The following SPACA9 variants were observed in gnomAD, a reference collection of about 807,000 sequenced individuals.
The protein encoded by SPACA9 is sperm acrosome-associated protein 9.
SPACA9 carries 14 observed loss-of-function variants against 12.5 expected under a neutral mutation model. The ratio of observed to expected loss-of-function variants is 1.12; its 90% CI spans 0.74 to 1.75. The LOEUF is 1.75. Ranked by LOEUF, SPACA9 falls within the 40% of genes most tolerant of loss-of-function variation. The pLI is 0.00. For missense variants in SPACA9, 292 were observed against 291.9 expected, an observed-to-expected ratio of 1.00 and a Z score of 0.00; for synonymous variants, 111 against 114.1, an observed-to-expected ratio of 0.97 and a Z score of 0.17.
In SPACA9 at chr9:132,888,810, C is replaced by CA. The variant is rs1693700976; in HGVS notation, c.*200dup. The CA allele has an allele frequency of 5.4e-6, 7 of 1,302,570 alleles. No individual in the cohort carries two copies. In the South Asian group the frequency reaches 1.1e-4, roughly 20 times the overall value. The allele number at this position is 1,302,570 out of a possible 1,614,324, so 80.7% of individuals were successfully genotyped here. ...TGAGACGGAGTCTCGCTCTGTCGCC[C>CA]AGGCTGGAGTGCGGTGGCGCAACCT... On this transcript the variant is annotated 3_prime_UTR_variant, in exon 4 of 4. Transcript: ENST00000356311. The surrounding 1 kb of genome is among the most constrained non-coding windows in gnomAD (Gnocchi z 5.0).
In SPACA9 at chr9:132,886,557, G is replaced by T. The variant is rs72759431; in HGVS notation, c.145-812G>T. 3.4e-3 allele frequency among the ~76,000 whole-genome samples: 515 copies of T among 152,334 alleles called. 1 individual carries two copies. The highest frequency in any genetic ancestry group is 6.0e-3 in the Non-Finnish European group (406 of 68,026). ...TGGCAGGGGACAGGTGAGGGGTAGG[G>T]CACGGAGCCACTGAGCTGGGGACAC... is the stretch of plus-strand genomic sequence containing the variant. On this transcript the variant is annotated intron_variant, in intron 2 of 3. Transcript: ENST00000356311.
Position 132,887,355 on chromosome 9 carries a change from G to A in SPACA9, c.145-14G>A, listed in dbSNP as rs186145280. 6.7e-5 allele frequency: 108 copies of A among 1,607,450 alleles called. No individual in the cohort carries two copies. In the African/African-American group the frequency reaches 1.3e-3, roughly 19 times the overall value. ...TTGGCATGTCCCCAGCTCATGTGGCGGCGGCCCTTGCAGGTGCAGAGCTAC... is the reference window on the plus strand; with the variant it reads ...TTGGCATGTCCCCAGCTCATGTGGCAGCGGCCCTTGCAGGTGCAGAGCTAC... On this transcript the variant is annotated splice_polypyrimidine_tract_variant and intron_variant, in intron 2 of 3. Coordinates refer to ENST00000356311, the MANE Select transcript of SPACA9 (RefSeq NM_001316897.2). The surrounding 1 kb of genome is among the most constrained non-coding windows in gnomAD (Gnocchi z 5.4).
intron 1 of SPACA9, among the ~76,000 whole-genome samples, chr9:132,880,717 C>G (rs1444606860): frequency 6.6e-6 from 1 of 152,092 alleles, no homozygotes; most frequent in Non-Finnish European, 1.5e-5. Flanking sequence ...ATAATGCTGC[C>G]TAAAATCCAT....
At position 132,883,919 on chromosome 9, in the gene SPACA9, T is replaced by C. The variant is rs766776120; in HGVS notation, c.-29T>C. The C allele has an allele frequency of 6.2e-7, 1 of 1,612,596 alleles. No homozygotes were observed. The highest frequency in any genetic ancestry group is 1.1e-5 in the South Asian group (1 of 91,038). ...CCTCTGTCTCCCCATAGATTCCTCT[T>C]CTCCTGTAAATGACCACAGAGGAAG... On this transcript the variant is annotated 5_prime_UTR_variant, in exon 2 of 4. Coordinates refer to ENST00000356311, the MANE Select transcript of SPACA9 (RefSeq NM_001316897.2).
chr9:132,885,640 G>A (rs1399954515), intron 2 of SPACA9, among the ~76,000 whole-genome samples: 1 of 152,016 alleles, frequency 6.6e-6, no homozygotes, highest in Non-Finnish European at 1.5e-5. Flanking sequence ...CAGCCCCTGA[G>A]CTATTGGAAA....
intron 2 of SPACA9, among the ~76,000 whole-genome samples, chr9:132,886,684 C>T (rs190251612): frequency 2.6e-5 from 4 of 152,254 alleles, no homozygotes; most frequent in African/African-American, 9.6e-5. Context: ...TAAAAAGGTA[C>T]CTGCTCAGTG....
rs910948963 is a variant in SPACA9, at chr9:132,887,133, ATATC to A, written c.145-231_145-228del. ...CCAACCGATCCATTAATTTCATATCATATCTATCCATCCATCCATCCATCCATCC... is the reference window on the plus strand; with the variant it reads ...CCAACCGATCCATTAATTTCATATCATATCCATCCATCCATCCATCCATCC... On this transcript the variant is annotated intron_variant, in intron 2 of 3. Transcript: ENST00000356311. The surrounding 1 kb of genome is among the most constrained non-coding windows in gnomAD (Gnocchi z 5.4). 3.4e-5 allele frequency among the ~76,000 whole-genome samples: 5 copies of A among 147,778 alleles called. No individual in the cohort carries two copies. The highest frequency in any genetic ancestry group is 2.0e-4 in the East Asian group (1 of 4,888).
chr9:132,888,432 C>A lies in SPACA9; in HGVS notation c.490C>A (p.Gln164Lys), dbSNP rs1044693501. The change falls in exon 4 of 4, where the codon CAG becomes AAG. Residue 164 changes from glutamine to lysine, a missense_variant. Physicochemically the swap from Gln to Lys is moderately conservative, Grantham distance 53. Coordinates refer to ENST00000356311, the MANE Select transcript of SPACA9 (RefSeq NM_001316897.2). This position sits in a 1 kb window ranked among gnomAD's most constrained non-coding sequence, Gnocchi z 5.0. ...CGAGAAGTTGCCGCGCAAGGTGCTG[C>A]AGCACGTGAGTGAGCCCCAGGCGCA... Reference protein sequence around the residue: ...HSEKLPRKVLQHVSEPQAHQE... With the variant: ...HSEKLPRKVLKHVSEPQAHQE... 6 of 1,613,748 alleles carry A rather than the reference C, an allele frequency of 3.7e-6. No homozygotes were observed. The highest frequency in any genetic ancestry group is 1.1e-5 in the South Asian group (1 of 91,072).
Position 132,887,369 on chromosome 9 carries a change from G to T in SPACA9, c.145G>T (p.Val49Leu). 1.2e-6 allele frequency: 2 copies of T among 1,610,658 alleles called. No individual in the cohort carries two copies. Among genetic ancestry groups the T allele is most frequent in the Non-Finnish European group, 1.7e-6 (2 of 1,179,860 alleles). Residue 49 changes from valine (V) to leucine (L), a missense_variant and splice_region_variant, in exon 3 of 4, where the codon GTG becomes TTG. Coordinates refer to ENST00000356311, the MANE Select transcript of SPACA9 (RefSeq NM_001316897.2). The surrounding 1 kb of genome is among the most constrained non-coding windows in gnomAD (Gnocchi z 5.4). ...KIRPISSIGQVQSYMEHYCNS... is the reference protein window; with the variant it reads ...KIRPISSIGQLQSYMEHYCNS... ...GCTCATGTGGCGGCGGCCCTTGCAG[G>T]TGCAGAGCTACATGGAACACTACTG... is the stretch of plus-strand genomic sequence containing the variant.
At chr9:132,886,133 G>T (rs1187767008) in intron 2 of SPACA9, among the ~76,000 whole-genome samples, 1 of 152,264 alleles carries the variant, frequency 6.6e-6, no homozygotes, top group Admixed American at 6.5e-5. Context: ...CCCTGATTTA[G>T]ATGTAGACCT....
chr9:132,887,565 G>A lies in SPACA9; in HGVS notation c.341G>A (p.Arg114Lys). The change falls in exon 3 of 4, where the codon AGA becomes AAA. Residue 114 changes from arginine to lysine, a missense_variant. Coordinates refer to ENST00000356311, the MANE Select transcript of SPACA9 (RefSeq NM_001316897.2). The surrounding 1 kb of genome is among the most constrained non-coding windows in gnomAD (Gnocchi z 5.4). Reference sequence around the variant, plus strand: ...CAAAGCAACGACTTAAGCAGCCTCAGAGCAAAGTAAGTCCCTCTGATGCTG... The same window carrying A: ...CAAAGCAACGACTTAAGCAGCCTCAAAGCAAAGTAAGTCCCTCTGATGCTG... The part of the protein sequence containing the change: ...VSQSNDLSSL[R>K]AKYPHDVVNH... The A allele has an allele frequency of 6.2e-7, 1 of 1,613,792 alleles. No homozygotes were observed. The highest frequency in any genetic ancestry group is 2.2e-5 in the East Asian group (1 of 44,874).
chr9:132,878,440 A>G, upstream of SPACA9: 1 of 1,229,426 alleles, frequency 8.1e-7, no homozygotes, highest in Admixed American at 4.3e-5. The surrounding 1 kb of genome is among the most constrained non-coding windows in gnomAD (Gnocchi z 4.7). Context: ...GGCTCGGGCA[A>G]GTTCTTTCCC....
chr9:132,881,946 AG>A lies in SPACA9; in HGVS notation c.-37-1963del, dbSNP rs1056103089. The stretch of plus-strand genomic sequence containing the variant: ...AGCCGGACACCACGGGAGGCACAAC[AG>A]GAAACCACTGTGCGTGAGTCAGCAT... On this transcript the variant is annotated intron_variant, in intron 1 of 3. Coordinates refer to ENST00000356311, the MANE Select transcript of SPACA9 (RefSeq NM_001316897.2). Among the ~76,000 whole-genome samples, 4 of 152,304 alleles carry A rather than the reference AG, an allele frequency of 2.6e-5. 1 individual carries two copies.
Position 132,888,262 on chromosome 9 carries a change from G to A in SPACA9, c.348-28G>A. The A allele has an allele frequency of 1.9e-6, 3 of 1,574,264 alleles. No individual in the cohort carries two copies. Among genetic ancestry groups the A allele is most frequent in the Non-Finnish European group, 2.6e-6 (3 of 1,158,120 alleles). On this transcript the variant is annotated intron_variant, in intron 3 of 3. Transcript: ENST00000356311. This position sits in a 1 kb window ranked among gnomAD's most constrained non-coding sequence, Gnocchi z 5.0. ...GGCATGGCAAGTCCCGGGAGCATGGGTTCACCTGGCCCCCTGCCGTCCTGC... is the reference window on the plus strand; with the variant it reads ...GGCATGGCAAGTCCCGGGAGCATGGATTCACCTGGCCCCCTGCCGTCCTGC...
At chr9:132,886,892 G>A (rs531002160) in intron 2 of SPACA9, among the ~76,000 whole-genome samples, 26 of 151,852 alleles carry the variant, frequency 1.7e-4, no homozygotes, top group Non-Finnish European at 2.8e-4. Context: ...GCTCACTGCA[G>A]CCTCCTCCTC....
At chr9:132,885,263 C>T (rs1844534712) in intron 2 of SPACA9, among the ~76,000 whole-genome samples, 1 of 151,954 alleles carries the variant, frequency 6.6e-6, no homozygotes, top group Non-Finnish European at 1.5e-5. Context: ...CCGGTAATCC[C>T]AGCACTTTGA....
chr9:132,889,228 C>A lies in SPACA9; in HGVS notation c.*617C>A, dbSNP rs572962425. 6 of 986,184 alleles carry A rather than the reference C, an allele frequency of 6.1e-6. No homozygotes were observed. The African/African-American group carries it at 1.0e-4, about 17-fold the overall frequency. 61.1% of individuals were successfully genotyped at this position (986,184 alleles called of 1,614,324 possible). On this transcript the variant is annotated 3_prime_UTR_variant, in exon 4 of 4. Coordinates refer to ENST00000356311, the MANE Select transcript of SPACA9 (RefSeq NM_001316897.2). ...TAGGTCCTCTTTGAGCCACATCCGG[C>A]TCCAGTGCCACGCCTGTCCCTGCTG...
chr9:132,883,783 G>T, intron 1 of SPACA9, 128 bp from the exon 2 acceptor site: 1 of 680,372 alleles, frequency 1.5e-6, no homozygotes, highest in Non-Finnish European at 2.5e-6. Flanking sequence ...CTTCTGTGGG[G>T]AGGCACTCAC....
Position 132,889,759 on chromosome 9 carries a change from G to T in SPACA9, c.*1148G>T, listed in dbSNP as rs1844699222. 7.8e-7 allele frequency: 1 copy of T among 1,280,272 alleles called. No individual in the cohort carries two copies. Among genetic ancestry groups the T allele is most frequent in the Non-Finnish European group, 1.0e-6 (1 of 1,000,632 alleles). The allele number at this position is 1,280,272 out of a possible 1,614,324, so 79.3% of individuals were successfully genotyped here. On this transcript the variant is annotated 3_prime_UTR_variant, in exon 4 of 4. Transcript: ENST00000356311. ...AGTTCTCTGGACCACAGCCAAAGGG[G>T]AATAAACTCACCTTTCCTTCGCCTT...
Sources: allele counts gnomAD v4.1 joint callset (sites outside exome capture counted in the v4.1 genomes callset), GRCh38; gene constraint gnomAD v4.1.1; non-coding constraint Gnocchi (gnomAD v3.1); transcripts MANE v1.5; gene names NCBI Gene and HGNC (gene_info 2026-07-23, HGNC 2026-07-21).